OXA1L: variants seen among roughly 807,000 people sequenced by gnomAD.
The protein encoded by OXA1L is OXA1L mitochondrial inner membrane insertase.
In OXA1L, 42 loss-of-function variants were observed where a neutral mutation model predicts 52.2. That is an observed-to-expected ratio of 0.80 (90% CI 0.63 to 1.04). The LOEUF is 1.04. Among genes scored for constraint, OXA1L ranks in the 50% least tolerant of loss-of-function variants. OXA1L has a pLI of 0.00. For synonymous variants in OXA1L, 239 were observed against 201.9 expected, an observed-to-expected ratio of 1.18 and a Z score of -1.56; for missense variants, 572 against 555.0, an observed-to-expected ratio of 1.03 and a Z score of -0.31.
chr14:22,767,168 A>C, intron 1 of OXA1L, 80 bp from the exon 2 acceptor site: 1 of 1,554,298 alleles, frequency 6.4e-7, no homozygotes, highest in South Asian at 1.2e-5. Context: ...TTGGGGAGTT[A>C]GCATAATGAA....
intron 3 of OXA1L, 40 bp from the exon 4 acceptor site, chr14:22,769,751 C>G (rs757311948): frequency 4.3e-6 from 7 of 1,611,384 alleles, no homozygotes; most frequent in South Asian, 3.3e-5. Context: ...AGCTGCAGAA[C>G]TGCTTTAATT....
intron 1 of OXA1L, chr14:22,767,043 G>A (rs1019856985): frequency 6.5e-7 from 1 of 1,536,080 alleles, no homozygotes; most frequent in Non-Finnish European, 8.7e-7. Flanking sequence ...TGAGATGCGG[G>A]GAACCCAGGT....
Position 22,766,732 on chromosome 14 carries a change from G to A in OXA1L, c.31G>A (p.Glu11Lys), listed in dbSNP as rs1249357380. 4 of 1,614,254 alleles carry A rather than the reference G, an allele frequency of 2.5e-6. No individual in the cohort carries two copies. In the South Asian group the frequency reaches 4.4e-5, roughly 18 times the overall value. The part of the protein sequence containing the change: MAMGLMCGRR[E>K]LLRLLQSGRR... ...GATGGGACTAATGTGCGGACGCCGG[G>A]AGCTTCTGCGCTTGCTACAGTCCGG... Residue 11 changes from glutamate (E) to lysine (K), a missense_variant, in exon 1 of 10, where the codon GAG becomes AAG. By Grantham distance (56) the Glu-to-Lys change is moderately conservative. This residue lies in a region of OXA1L where 186 missense variants were observed against 151.8 expected (regional missense o/e 1.23). Coordinates refer to ENST00000612549, the MANE Select transcript of OXA1L (RefSeq NM_005015.5).
rs1331374843 is a variant in OXA1L at position 22,767,265 on chromosome 14, G to A, written c.81G>A (p.Gly27=). Residue 27 remains glycine, a synonymous_variant, in exon 2 of 10, where the codon GGG becomes GGA. Coordinates refer to ENST00000612549, the MANE Select transcript of OXA1L (RefSeq NM_005015.5). ...ACGCTCAGGTCCACAGCGTCGCAGGGCCCTCGCAATGGCTTGGGAAACCGC... is the reference window on the plus strand; with the variant it reads ...ACGCTCAGGTCCACAGCGTCGCAGGACCCTCGCAATGGCTTGGGAAACCGC... ...QSGRRVHSVA[G]PSQWLGKPLT... is the part of the protein sequence containing the mutation. 1 of 1,611,014 alleles carries A rather than the reference G, an allele frequency of 6.2e-7. No individual in the cohort carries two copies. The highest frequency in any genetic ancestry group is 1.7e-5 in the Admixed American group (1 of 59,366).
rs1174362638 is a variant in OXA1L at position 22,771,564 on chromosome 14, G to A, written c.*6G>A. ...GGCACGACACACTTGGCTGACTTAT[G>A]TTCTGTGCGCATTCTGGCAGGAATT... On this transcript the variant is annotated 3_prime_UTR_variant, in exon 10 of 10. Transcript: ENST00000612549. The A allele has an allele frequency of 1.2e-6, 2 of 1,614,160 alleles. No individual in the cohort carries two copies. The highest frequency in any genetic ancestry group is 2.2e-5 in the East Asian group (1 of 44,890).
chr14:22,772,320 TAA>T lies in OXA1L; in HGVS notation c.*780_*781del, dbSNP rs33950046. ...CAACATGGTGAAACCCCGTCTCTAC[TAA>T]AAAAAAAAAAAAAAAAATTAGCCGG... is the stretch of plus-strand genomic sequence containing the variant. On this transcript the variant is annotated 3_prime_UTR_variant, in exon 10 of 10. Transcript: ENST00000612549. The T allele has an allele frequency of 0.28, 35,448 of 127,742 alleles. 5,417 individuals are homozygous for T. Among genetic ancestry groups the T allele is most frequent in the East Asian group, 0.6 (2,645 of 4,432 alleles). The allele number at this position is 127,742 out of a possible 1,614,324, so 7.9% of individuals were successfully genotyped here. A position where few individuals can be genotyped will look rare whatever the true frequency, so the allele number is the denominator to read the frequency against.
chr14:22,770,096 G>C, intron 4 of OXA1L, 97 bp from the exon 5 acceptor site: 1 of 1,350,488 alleles, frequency 7.4e-7, no homozygotes, highest in South Asian at 1.2e-5. Context: ...AGTGGCCAGG[G>C]TTGGTTAGAA....
intron 2 of OXA1L, 32 bp downstream of exon 2, chr14:22,767,441 A>T (rs2038419008): frequency 6.4e-7 from 1 of 1,562,944 alleles, no homozygotes; most frequent in Non-Finnish European, 8.7e-7. Context: ...CAATATTAGG[A>T]GTGGTGTTTC....
chr14:22,767,059 C>T (rs1475549824), intron 1 of OXA1L, 189 bp from the exon 2 acceptor site: 2 of 1,536,156 alleles, frequency 1.3e-6, no homozygotes, highest in Non-Finnish European at 1.7e-6. Flanking sequence ...CAGGTTCGAG[C>T]TTCGCTCTGC....
At chr14:22,768,408 G>C (rs544033539) in intron 3 of OXA1L, 38 of 530,266 alleles carry the variant, frequency 7.2e-5, no homozygotes, top group Non-Finnish European at 1.0e-4. Context: ...ACAAACATGG[G>C]GTTAGAGTCA....
rs752607816 is a variant in OXA1L at position 22,767,948 on chromosome 14, T to TGTG, written c.226-10_226-9insGTG. The TGTG allele has an allele frequency of 6.2e-7, 1 of 1,601,824 alleles. No homozygotes were observed. The highest frequency in any genetic ancestry group is 8.5e-7 in the Non-Finnish European group (1 of 1,171,078). On this transcript the variant is annotated splice_polypyrimidine_tract_variant and intron_variant, in intron 2 of 9. Transcript: ENST00000612549. The stretch of plus-strand genomic sequence containing the variant: ...TGAATAAATATAATACAAGGCTTTC[T>TGTG]TTCACACAGGTTCAGGCCCCTCCTG...
chr14:22,770,261 A>G lies in OXA1L; in HGVS notation c.652A>G (p.Ile218Val). 5 of 1,608,412 alleles carry G rather than the reference A, an allele frequency of 3.1e-6. No homozygotes were observed. Among genetic ancestry groups the G allele is most frequent in the Non-Finnish European group, 4.3e-6 (5 of 1,174,890 alleles). ...KHGIKLYKPL[I>V]LPVTQAPIFI... is the part of the protein sequence containing the mutation. ...TGGTATTAAACTCTATAAACCTCTC[A>G]TTCTCCCTGTGACTCAGGTGAGCAA... The change falls in exon 5 of 10, where the codon ATT (isoleucine) becomes GTT (valine). Residue 218 changes from isoleucine to valine, a missense_variant. Ile to Val is a conservative substitution (Grantham distance 29). Transcript: ENST00000612549.
At position 22,772,466 on chromosome 14, in the gene OXA1L, G is replaced by A. The variant is rs2038484280; in HGVS notation, c.*908G>A. ...ATTGCGCCACTGCACTCCAGCCTGG[G>A]CAAGAGAGTGAGACTCCTTCTCAAA... On this transcript the variant is annotated 3_prime_UTR_variant, in exon 10 of 10. Transcript: ENST00000612549. 8.3e-6 allele frequency: 1 copy of A among 120,802 alleles called. No individual in the cohort carries two copies. The highest frequency in any genetic ancestry group is 1.0e-4 in the Admixed American group (1 of 9,722). 7.5% of individuals were successfully genotyped at this position (120,802 alleles called of 1,614,324 possible).
chr14:22,770,115 G>A, intron 4 of OXA1L, 78 bp from the exon 5 acceptor site: 1 of 1,335,458 alleles, frequency 7.5e-7, no homozygotes, highest in Non-Finnish European at 1.1e-6. Context: ...AAATTTCACA[G>A]GCCAGGTAGA....
chr14:22,767,232 C>G lies in OXA1L; in HGVS notation c.64-16C>G. 1.3e-6 allele frequency: 2 copies of G among 1,596,746 alleles called. No individual in the cohort carries two copies. The highest frequency in any genetic ancestry group is 3.4e-4 in the Middle Eastern group (2 of 5,800). On this transcript the variant is annotated splice_polypyrimidine_tract_variant and intron_variant, in intron 1 of 9. Coordinates refer to ENST00000612549, the MANE Select transcript of OXA1L (RefSeq NM_005015.5). Reference sequence around the variant, plus strand: ...GCTCCCGGTAAAGGGGCTCCATCATCCTTTTACACGCTCAGGTCCACAGCG... The same window carrying G: ...GCTCCCGGTAAAGGGGCTCCATCATGCTTTTACACGCTCAGGTCCACAGCG...
chr14:22,772,503 A>AACAAAAAC lies in OXA1L; in HGVS notation c.*946_*947insCAAAAACA, dbSNP rs1951027135. Reference sequence around the variant, plus strand: ...GACTCCTTCTCAAAAAAAAAAAAAAAAAAAAAAAAAAAAAAACAGTTTAAA... The same window carrying AACAAAAAC: ...GACTCCTTCTCAAAAAAAAAAAAAAAACAAAAACAAAAAAAAAAAAAAAACAGTTTAAA... On this transcript the variant is annotated 3_prime_UTR_variant, in exon 10 of 10. Transcript: ENST00000612549. 10 of 140,522 alleles carry AACAAAAAC rather than the reference A, an allele frequency of 7.1e-5. 1 individual carries two copies. Among genetic ancestry groups the AACAAAAAC allele is most frequent in the African/African-American group, 2.7e-4 (10 of 36,526 alleles). The allele number at this position is 140,522 out of a possible 1,614,324, so 8.7% of individuals were successfully genotyped here. A position where few individuals can be genotyped will look rare whatever the true frequency, so the allele number is the denominator to read the frequency against.
Position 22,769,523 on chromosome 14 carries a change from C to G in OXA1L, c.440-268C>G, listed in dbSNP as rs1050772318. Reference sequence around the variant, plus strand: ...CAGTAACATAATTGCTAAATCCACTCCTGTCAGCTTTTTGTTTGAGGAAAC... The same window carrying G: ...CAGTAACATAATTGCTAAATCCACTGCTGTCAGCTTTTTGTTTGAGGAAAC... On this transcript the variant is annotated intron_variant, in intron 3 of 9. Transcript: ENST00000612549. 2.0e-5 allele frequency among the ~76,000 whole-genome samples: 3 copies of G among 152,312 alleles called. No individual in the cohort carries two copies. The South Asian group carries it at 6.2e-4, about 32-fold the overall frequency.
chr14:22,771,850 A>G lies in OXA1L; in HGVS notation c.*292A>G. ...CACTTCAGAAAACTGAAGAATACCC[A>G]GCATTTTGGGAGGCCGAGGTGGGTG... On this transcript the variant is annotated 3_prime_UTR_variant, in exon 10 of 10. Transcript: ENST00000612549. 3.1e-6 allele frequency: 1 copy of G among 318,654 alleles called. No homozygotes were observed. The highest frequency in any genetic ancestry group is 4.8e-5 in the South Asian group (1 of 20,938). The allele number at this position is 318,654 out of a possible 1,614,324, so 19.7% of individuals were successfully genotyped here. A position where few individuals can be genotyped will look rare whatever the true frequency, so the allele number is the denominator to read the frequency against.
Position 22,771,686 on chromosome 14 carries a change from A to G in OXA1L, c.*128A>G, listed in dbSNP as rs1016444315. 1 of 989,764 alleles carries G rather than the reference A, an allele frequency of 1.0e-6. No homozygotes were observed. 61.3% of individuals were successfully genotyped at this position (989,764 alleles called of 1,614,324 possible). On this transcript the variant is annotated 3_prime_UTR_variant, in exon 10 of 10. Coordinates refer to ENST00000612549, the MANE Select transcript of OXA1L (RefSeq NM_005015.5). The stretch of plus-strand genomic sequence containing the variant: ...GCACACAGAGATGTTCATTTTAAAA[A>G]CGGATTTCATGAAACACTCTTGTAC...
Sources: gnomAD v4.1 joint callset for allele counts (sites outside exome capture counted in the v4.1 genomes callset) on GRCh38, gnomAD v4.1.1 for gene constraint, gnomAD v4.1.1 regional missense constraint, MANE v1.5 for transcripts, NCBI Gene and HGNC (gene_info 2026-07-23, HGNC 2026-07-21) for gene names.